Variants in ZYG11B observed in about 807,000 individuals in gnomAD.
ZYG11B encodes the protein protein zyg-11 homolog B.
A neutral mutation model predicts 82.4 loss-of-function variants in ZYG11B; 36 were observed. The ratio of observed to expected loss-of-function variants is 0.44; its 90% CI spans 0.33 to 0.58. The LOEUF is 0.58. ZYG11B is among the 20% of genes least tolerant of loss of function. ZYG11B has a pLI of 0.02. For synonymous variants in ZYG11B, 303 were observed against 312.8 expected, an observed-to-expected ratio of 0.97 and a Z score of 0.33; for missense variants, 552 against 895.6, an observed-to-expected ratio of 0.62 and a Z score of 4.90.
intron 3 of ZYG11B, among the ~76,000 whole-genome samples, chr1:52,774,239 G>A (rs538826200): frequency 5.1e-4 from 77 of 151,124 alleles, no homozygotes; most frequent in African/African-American, 1.4e-3. Context: ...TCCTGGGCTC[G>A]AGTGGATCCT....
intron 6 of ZYG11B, among the ~76,000 whole-genome samples, chr1:52,792,827 G>A (rs1005265793): frequency 1.3e-5 from 2 of 152,070 alleles, no homozygotes; most frequent in Admixed American, 1.3e-4. Context: ...CTATGGAATA[G>A]GTTTTTATTT....
At chr1:52,815,311 AG>A (rs755661953) in intron 12 of ZYG11B, among the ~76,000 whole-genome samples, 54 of 152,166 alleles carry the variant, frequency 3.5e-4, no homozygotes, top group Admixed American at 5.9e-4. Flanking sequence ...AGACTAGCCT[AG>A]GCATCATAGT....
intron 5 of ZYG11B, among the ~76,000 whole-genome samples, chr1:52,786,551 C>T (rs1442337728): frequency 6.6e-6 from 1 of 151,954 alleles, no homozygotes; most frequent in East Asian, 1.9e-4. Context: ...GAGTTCAAGA[C>T]CAACTTGGGC....
intron 10 of ZYG11B, among the ~76,000 whole-genome samples, chr1:52,811,320 A>G (rs1209341317): frequency 6.6e-6 from 1 of 152,026 alleles, no homozygotes; most frequent in Non-Finnish European, 1.5e-5. Context: ...ACCTTTTTTC[A>G]TACCCTCTCT....
chr1:52,736,487 C>A (rs992913092), intron 1 of ZYG11B, among the ~76,000 whole-genome samples: 2 of 151,766 alleles, frequency 1.3e-5, no homozygotes, highest in East Asian at 1.9e-4. Context: ...GATTCTTGCT[C>A]TGTCACCCAG....
chr1:52,760,386 G>C (rs1489796442), intron 2 of ZYG11B, among the ~76,000 whole-genome samples: 1 of 152,138 alleles, frequency 6.6e-6, no homozygotes, highest in Non-Finnish European at 1.5e-5. Context: ...GGAGGTTGCA[G>C]TGAGCCAAGA....
In ZYG11B at chr1:52,827,268, G is replaced by C. The variant is rs1034606870; in HGVS notation, c.*5639G>C. 7 of 152,118 alleles carry C rather than the reference G, an allele frequency of 4.6e-5. No individual in the cohort carries two copies. Among genetic ancestry groups the C allele is most frequent in the Admixed American group, 6.5e-5 (1 of 15,270 alleles). 9.4% of individuals were successfully genotyped at this position (152,118 alleles called of 1,614,324 possible). On this transcript the variant is annotated 3_prime_UTR_variant, in exon 14 of 14. Coordinates refer to ENST00000294353, the MANE Select transcript of ZYG11B (RefSeq NM_024646.3). ...TATTTTAAATCAGGACATCACTTAA[G>C]TATTAATGTTGTGTGTACAGATTTT...
intron 6 of ZYG11B, 125 bp from the exon 7 acceptor site, chr1:52,796,167 C>G: frequency 1.6e-6 from 1 of 613,712 alleles, no homozygotes; most frequent in Non-Finnish European, 3.0e-6. Context: ...TACTCTCTAC[C>G]AGTTAAGAGG....
chr1:52,743,675 C>T (rs1165842990), intron 1 of ZYG11B, among the ~76,000 whole-genome samples: 4 of 152,072 alleles, frequency 2.6e-5, no homozygotes, highest in African/African-American at 9.7e-5. Flanking sequence ...TATGATCACA[C>T]TACTGTACTC....
At chr1:52,766,120 ATTTTT>A (rs60885892) in intron 2 of ZYG11B, among the ~76,000 whole-genome samples, 1 of 130,238 alleles carries the variant, frequency 7.7e-6, no homozygotes, top group Admixed American at 7.6e-5. Context: ...TTTTTTTTAA[ATTTTT>A]TTTTTTTTTT....
chr1:52,733,743 A>G (rs1193462867), intron 1 of ZYG11B, among the ~76,000 whole-genome samples: 2 of 152,190 alleles, frequency 1.3e-5, no homozygotes, highest in Admixed American at 6.5e-5. Flanking sequence ...CTTGTATTTC[A>G]TCATCAATGT....
At chr1:52,732,448 T>C (rs1057508112) in intron 1 of ZYG11B, among the ~76,000 whole-genome samples, 10 of 152,222 alleles carry the variant, frequency 6.6e-5, no homozygotes, top group Non-Finnish European at 1.3e-4. Flanking sequence ...TATAATTTAT[T>C]AGCTGACTAA....
chr1:52,810,287 T>C (rs1286167468), intron 10 of ZYG11B, among the ~76,000 whole-genome samples: 2 of 152,230 alleles, frequency 1.3e-5, no homozygotes, highest in Non-Finnish European at 2.9e-5. Flanking sequence ...GTGAGCACTA[T>C]GCACTTTTCT....
intron 8 of ZYG11B, among the ~76,000 whole-genome samples, chr1:52,796,989 T>TATATAA: frequency 1.1e-5 from 1 of 91,708 alleles, no homozygotes; most frequent in African/African-American, 5.7e-5. Flanking sequence ...TATATATATT[T>TATATAA]TTTATATAAA....
At chr1:52,735,093 C>T (rs191205122) in intron 1 of ZYG11B, among the ~76,000 whole-genome samples, 7 of 150,102 alleles carry the variant, frequency 4.7e-5, no homozygotes, top group Admixed American at 1.3e-4. Context: ...TGCAATGGCG[C>T]GATCTCGGCT....
intron 1 of ZYG11B, among the ~76,000 whole-genome samples, chr1:52,740,965 T>C (rs1644424561): frequency 6.6e-6 from 1 of 152,076 alleles, no homozygotes; most frequent in South Asian, 2.1e-4. Flanking sequence ...AGTAGATGTT[T>C]ATTTCTGGAA....
rs998283558 is a variant in ZYG11B at position 52,772,093 on chromosome 1, G to A, written c.951+319G>A. On this transcript the variant is annotated intron_variant, in intron 3 of 13. Coordinates refer to ENST00000294353, the MANE Select transcript of ZYG11B (RefSeq NM_024646.3). ...CAATAGGTTGTCTTATGATGATAATGTTTAGCTATTTTGAACCATTTACAT... is the reference window on the plus strand; with the variant it reads ...CAATAGGTTGTCTTATGATGATAATATTTAGCTATTTTGAACCATTTACAT... 8 of 822,332 alleles carry A rather than the reference G, an allele frequency of 9.7e-6. No homozygotes were observed. In the African/African-American group the frequency reaches 1.2e-4, roughly 12 times the overall value. 50.9% of individuals were successfully genotyped at this position (822,332 alleles called of 1,614,324 possible).
At chr1:52,733,643 A>G (rs1419025713) in intron 1 of ZYG11B, among the ~76,000 whole-genome samples, 1 of 152,220 alleles carries the variant, frequency 6.6e-6, no homozygotes, top group Non-Finnish European at 1.5e-5. Context: ...GCTGGGCAAC[A>G]GAGCAAGACA....
chr1:52,755,393 T>C (rs1203807785), intron 1 of ZYG11B, among the ~76,000 whole-genome samples: 1 of 152,218 alleles, frequency 6.6e-6, no homozygotes, highest in Non-Finnish European at 1.5e-5. Flanking sequence ...TGCCATACAG[T>C]TTTGATTACT....
Sources: gnomAD v4.1 joint callset for allele counts (sites outside exome capture counted in the v4.1 genomes callset) on GRCh38, gnomAD v4.1.1 for gene constraint, MANE v1.5 for transcripts, NCBI Gene and HGNC (gene_info 2026-07-23, HGNC 2026-07-21) for gene names.